Variants in DNAH1 observed in about 807,000 individuals in gnomAD.
DNAH1 encodes axonemal beta dynein heavy chain 1.
In DNAH1, 327 loss-of-function variants were observed where a neutral mutation model predicts 484.3. That is an observed-to-expected ratio of 0.68 (90% confidence interval 0.62 to 0.74). The LOEUF (loss-of-function observed/expected upper bound fraction) is 0.74. Among genes scored for constraint, DNAH1 ranks in the 30% least tolerant of loss-of-function variants. The pLI is 0.00. For missense variants in DNAH1, 5,052 were observed against 5,546.8 expected (o/e 0.91, Z 2.83); for synonymous variants, 2,192 against 2,191.9 (o/e 1.00, Z 0.00).
At chr3:52,391,138 T>C (rs752548108) in intron 61 of DNAH1, 41 bp from the exon 62 acceptor site, 1 of 1,612,436 alleles carries the variant, frequency 6.2e-7, no homozygotes, top group Admixed American at 1.7e-5. Flanking sequence ...TCAGGCTGGC[T>C]CTCAGTCCCT....
chr3:52,374,208 A>G, intron 44 of DNAH1: 1 of 1,347,672 alleles, frequency 7.4e-7, no homozygotes, highest in East Asian at 2.3e-5. Flanking sequence ...GAAACAGAGC[A>G]TCATAATGGC....
intron 39 of DNAH1, 79 bp from the exon 40 acceptor site, chr3:52,370,398 A>AGACATGCCCCT: frequency 6.3e-7 from 1 of 1,593,588 alleles, no homozygotes; most frequent in Admixed American, 1.7e-5. Flanking sequence ...GCAGAGGTCA[A>AGACATGCCCCT]GACATGCCCC....
chr3:52,351,867 T>C, intron 16 of DNAH1, 95 bp from the exon 17 acceptor site: 1 of 1,447,334 alleles, frequency 6.9e-7, no homozygotes, highest in East Asian at 2.5e-5. Context: ...TCTCACTGGC[T>C]GCCTGGGTGC....
chr3:52,333,434 C>CT (rs1475328511), intron 8 of DNAH1, among the ~76,000 whole-genome samples: 2 of 146,704 alleles, frequency 1.4e-5, no homozygotes, highest in Non-Finnish European at 1.5e-5. Flanking sequence ...GTCACCCAGG[C>CT]TGGAGTACAG....
At chr3:52,322,332 G>C (rs1458348290) in intron 1 of DNAH1, 77 bp from the exon 2 acceptor site, 2 of 999,540 alleles carry the variant, frequency 2.0e-6, no homozygotes, top group Non-Finnish European at 2.9e-6. Context: ...TGGCAGGCAG[G>C]CAATCTAGGC....
In DNAH1 at chr3:52,352,516, G is replaced by T; in HGVS notation, c.2872-36G>T. On this transcript the variant is annotated intron_variant, in intron 17 of 77. Coordinates refer to ENST00000420323, the MANE Select transcript of DNAH1 (RefSeq NM_015512.5). ...GGAAGGCCTGGACACAAGTGGGGCT[G>T]CAGGGGCATCTGACCCATTGCTCCT... 10 of 1,592,070 alleles carry T rather than the reference G, an allele frequency of 6.3e-6. No homozygotes were observed. In the Middle Eastern group the frequency reaches 6.7e-4, roughly 107 times the overall value.
Position 52,399,531 on chromosome 3 carries a change from G to A in DNAH1, c.12442-14G>A, listed in dbSNP as rs1232326534. Reference sequence around the variant, plus strand: ...ATTGTTATGTGTGTGGGGTGTGTCTGTGTCTACCCACAGGTGATGTTTGAG... The same window carrying A: ...ATTGTTATGTGTGTGGGGTGTGTCTATGTCTACCCACAGGTGATGTTTGAG... On this transcript the variant is annotated splice_polypyrimidine_tract_variant and intron_variant, in intron 76 of 77. Coordinates refer to ENST00000420323, the MANE Select transcript of DNAH1 (RefSeq NM_015512.5). 3.1e-6 allele frequency: 5 copies of A among 1,595,094 alleles called. No homozygotes were observed. Among genetic ancestry groups the A allele is most frequent in the Non-Finnish European group, 4.3e-6 (5 of 1,167,254 alleles).
Position 52,331,239 on chromosome 3 carries a change from G to A in DNAH1, c.963G>A (p.Lys321=), listed in dbSNP as rs1313798933. ...DEEKKLYLVH[K]TDEKGLVRDE... ...AGAAGAAGCTATACCTGGTACACAA[G>A]ACAGACGAGAAAGGCCTGGTGCGAG... The change falls in exon 7 of 78, where the codon AAG becomes AAA. Residue 321 remains lysine (K), a synonymous_variant. Coordinates refer to ENST00000420323, the MANE Select transcript of DNAH1 (RefSeq NM_015512.5). The A allele has an allele frequency of 6.8e-6, 11 of 1,611,472 alleles. No individual in the cohort carries two copies. Among genetic ancestry groups the A allele is most frequent in the Non-Finnish European group, 9.3e-6 (11 of 1,178,890 alleles).
chr3:52,356,359 C>T (rs1187417408), intron 21 of DNAH1, among the ~76,000 whole-genome samples: 2 of 152,192 alleles, frequency 1.3e-5, no homozygotes, highest in Non-Finnish European at 2.9e-5. Context: ...GCAGCTCCCC[C>T]GGCTCCTTTG....
chr3:52,393,151 T>C (rs1248856106), intron 65 of DNAH1, 126 bp downstream of exon 65: 28 of 1,413,294 alleles, frequency 2.0e-5, no homozygotes, highest in Non-Finnish European at 2.7e-5. Flanking sequence ...AGACTCACAA[T>C]ACATAAGAAT....
intron 1 of DNAH1, among the ~76,000 whole-genome samples, chr3:52,321,958 C>T (rs551167992): frequency 6.6e-6 from 1 of 152,270 alleles, no homozygotes; most frequent in South Asian, 2.1e-4. Flanking sequence ...GGAAGTCTAG[C>T]AGGGATGGGC....
At chr3:52,369,134 C>T (rs550185148) in intron 37 of DNAH1, among the ~76,000 whole-genome samples, 17 of 152,304 alleles carry the variant, frequency 1.1e-4, no homozygotes, top group Admixed American at 9.8e-4. Context: ...CAGGGTGTCC[C>T]GCACAGTTGC....
Position 52,345,620 on chromosome 3 carries a change from A to G in DNAH1, c.1570A>G (p.Thr524Ala). The change falls in exon 10 of 78, where the codon ACC becomes GCC. Residue 524 changes from threonine (T) to alanine (A), a missense_variant. By Grantham distance (58) the Thr-to-Ala change is moderately conservative (BLOSUM62 0). Around this residue, in one of 4 missense-constraint regions of DNAH1, gnomAD observed 1,263 missense variants for 1,218.8 expected, o/e 1.04. Transcript: ENST00000420323. The part of the protein sequence containing the change: ...SKVRAECNKV[T>A]AMSLFHSSLS... ...GGTGAGGGCCGAGTGCAACAAGGTG[A>G]CCGCCATGTCCCTGTTCCACTCGAG... 6.2e-7 allele frequency: 1 copy of G among 1,608,562 alleles called. No individual in the cohort carries two copies. Among genetic ancestry groups the G allele is most frequent in the Non-Finnish European group, 8.5e-7 (1 of 1,177,412 alleles).
chr3:52,345,987 T>C (rs1702125802), intron 10 of DNAH1, among the ~76,000 whole-genome samples: 2 of 152,182 alleles, frequency 1.3e-5, no homozygotes, highest in Admixed American at 1.3e-4. Flanking sequence ...CTGAAGCAGA[T>C]CCCTTGTCTT....
chr3:52,343,616 A>G (rs1702027640), intron 8 of DNAH1, among the ~76,000 whole-genome samples: 1 of 152,134 alleles, frequency 6.6e-6, no homozygotes. Context: ...GTTCTCCAAC[A>G]TCCCGCAGCT....
chr3:52,398,006 C>A, intron 74 of DNAH1, 26 bp from the exon 75 acceptor site: 1 of 1,608,920 alleles, frequency 6.2e-7, no homozygotes, highest in Non-Finnish European at 8.5e-7. Context: ...CAGCCTTGAC[C>A]CCACAGTATT....
At position 52,390,998 on chromosome 3, in the gene DNAH1, C is replaced by T. The variant is rs1704350281; in HGVS notation, c.9685C>T (p.Arg3229Cys). Reference sequence around the variant, plus strand: ...CGGGGTCATCAACCAGTTTTCCCAGCGCTGGACCCACTTCATTGACCCTCA... The same window carrying T: ...CGGGGTCATCAACCAGTTTTCCCAGTGCTGGACCCACTTCATTGACCCTCA... ...ENGVINQFSQ[R>C]WTHFIDPQSQ... The change falls in exon 61 of 78, where the codon CGC becomes TGC. Residue 3229 changes from arginine (R) to cysteine (C), a missense_variant. Physicochemically the swap from Arg to Cys is radical, Grantham distance 180 (BLOSUM62 -3). Transcript: ENST00000420323. The T allele has an allele frequency of 3.2e-6, 5 of 1,554,272 alleles. No individual in the cohort carries two copies. Among genetic ancestry groups the T allele is most frequent in the East Asian group, 2.4e-5 (1 of 41,088 alleles).
At chr3:52,371,030 A>G (rs1164479503) in intron 41 of DNAH1, among the ~76,000 whole-genome samples, 1 of 152,210 alleles carries the variant, frequency 6.6e-6, no homozygotes, top group Non-Finnish European at 1.5e-5. Flanking sequence ...GCAGAGCTGT[A>G]CTTGAACCTA....
At chr3:52,332,001 C>A (rs1391370651) in intron 7 of DNAH1, 141 bp from the exon 8 acceptor site, 3 of 1,119,140 alleles carry the variant, frequency 2.7e-6, no homozygotes, top group Non-Finnish European at 3.8e-6. Context: ...ATGCCCATTT[C>A]ACAGATGCAA....
Sources: allele counts gnomAD v4.1 joint callset (sites outside exome capture counted in the v4.1 genomes callset), GRCh38; gene constraint gnomAD v4.1.1; regional missense constraint gnomAD v4.1.1; transcripts MANE v1.5; gene names NCBI Gene and HGNC (gene_info 2026-07-23, HGNC 2026-07-21).